Variants in PHTF2 observed in about 807,000 individuals in gnomAD.
The protein encoded by PHTF2 is putative homeodomain transcription factor 2, also known as protein PHTF2.
A neutral mutation model predicts 101.2 loss-of-function variants in PHTF2; 60 were observed. The ratio of observed to expected loss-of-function variants is 0.59; its 90% CI spans 0.48 to 0.73. The LOEUF (loss-of-function observed/expected upper bound fraction) is 0.73, where lower values mean the gene tolerates loss of function less well. Among genes scored for constraint, PHTF2 ranks in the 30% least tolerant of loss-of-function variants. PHTF2 has a pLI of 0.00. For synonymous variants in PHTF2, 311 were observed against 307.3 expected (o/e 1.01, Z -0.13); for missense variants, 747 against 908.7 (o/e 0.82, Z 2.29).
At chr7:77,874,707 TC>T (rs1477803204) in intron 3 of PHTF2, among the ~76,000 whole-genome samples, 2 of 152,182 alleles carry the variant, frequency 1.3e-5, no homozygotes, top group African/African-American at 4.8e-5. Context: ...AATGTTAATC[TC>T]CTTTGGCAGC....
At chr7:77,887,079 G>C (rs995828529) in intron 3 of PHTF2, among the ~76,000 whole-genome samples, 7 of 150,892 alleles carry the variant, frequency 4.6e-5, no homozygotes, top group African/African-American at 1.5e-4. Flanking sequence ...CAGTAACAAT[G>C]AATATAAGGC....
At chr7:77,850,915 T>C (rs759409729) in intron 2 of PHTF2, among the ~76,000 whole-genome samples, 2 of 152,198 alleles carry the variant, frequency 1.3e-5, no homozygotes, top group Admixed American at 6.5e-5. Flanking sequence ...ATATGATGTA[T>C]GACATTGATT....
At chr7:77,883,085 G>A (rs758509385) in intron 3 of PHTF2, among the ~76,000 whole-genome samples, 1 of 152,028 alleles carries the variant, frequency 6.6e-6, no homozygotes, top group Admixed American at 6.6e-5. Flanking sequence ...CCTATTAGGA[G>A]CAATTTCAGG....
chr7:77,874,438 G>T (rs1238508532), intron 3 of PHTF2, among the ~76,000 whole-genome samples: 1 of 152,110 alleles, frequency 6.6e-6, no homozygotes, highest in Non-Finnish European at 1.5e-5. Context: ...ATTAACTCAT[G>T]ATTACAAGGT....
At chr7:77,910,339 G>T in exon 9 of PHTF2, 1 of 1,613,694 alleles carries the variant, frequency 6.2e-7, no homozygotes, top group Non-Finnish European at 8.5e-7. Flanking sequence ...TCAGAACCAC[G>T]GTACAAGCAC....
chr7:77,828,533 G>A (rs1794851116), intron 1 of PHTF2, among the ~76,000 whole-genome samples: 1 of 152,142 alleles, frequency 6.6e-6, no homozygotes, highest in Admixed American at 6.5e-5. Context: ...ACTCTAGGCT[G>A]GGCGCAGTGG....
At chr7:77,875,714 C>A (rs930348290) in intron 3 of PHTF2, among the ~76,000 whole-genome samples, 1 of 151,890 alleles carries the variant, frequency 6.6e-6, no homozygotes. Context: ...CCTGCCACCA[C>A]GCCTGGCTAA....
intron 1 of PHTF2, among the ~76,000 whole-genome samples, chr7:77,812,746 C>G (rs373098609): frequency 6.6e-6 from 1 of 152,056 alleles, no homozygotes; most frequent in Non-Finnish European, 1.5e-5. Context: ...CACGCCACCA[C>G]GCCCAGCTGA....
chr7:77,841,564 A>G (rs77545543), intron 2 of PHTF2, among the ~76,000 whole-genome samples: 2,362 of 152,218 alleles, frequency 0.016, 70 homozygotes, highest in East Asian at 0.094. Flanking sequence ...TCTTGGGCTC[A>G]TGTGGTCCTC....
At chr7:77,885,783 A>G (rs1014786195) in intron 3 of PHTF2, among the ~76,000 whole-genome samples, 2 of 152,320 alleles carry the variant, frequency 1.3e-5, no homozygotes. Context: ...TGCTGACAAA[A>G]TTAGACAGCA....
intron 8 of PHTF2, 159 bp from the exon 8 acceptor site, chr7:77,910,086 C>A: frequency 1.7e-6 from 1 of 576,686 alleles, no homozygotes. Flanking sequence ...GAATATGCAT[C>A]ATGATATTTG....
intron 16 of PHTF2, among the ~76,000 whole-genome samples, chr7:77,944,137 G>C (rs1170086745): frequency 6.6e-6 from 1 of 152,182 alleles, no homozygotes; most frequent in African/African-American, 2.4e-5. Context: ...GAAAACCAGA[G>C]CATTTAAGAA....
At chr7:77,845,679 A>C (rs1031023464) in intron 2 of PHTF2, among the ~76,000 whole-genome samples, 1 of 152,248 alleles carries the variant, frequency 6.6e-6, no homozygotes, top group South Asian at 2.1e-4. Context: ...GTGTGTACTT[A>C]AGTATGTGTA....
intron 5 of PHTF2, 127 bp from the exon 5 acceptor site, chr7:77,900,584 T>G: frequency 1.5e-6 from 1 of 661,966 alleles, no homozygotes; most frequent in Non-Finnish European, 2.7e-6. Context: ...AACAAATGCA[T>G]AATGTGTTAC....
chr7:77,935,276 G>T (rs998046393), intron 12 of PHTF2, among the ~76,000 whole-genome samples: 8 of 130,970 alleles, frequency 6.1e-5, no homozygotes, highest in African/African-American at 2.0e-4. Context: ...AGGCTGGAGT[G>T]CAGTGGCGCG....
intron 7 of PHTF2, among the ~76,000 whole-genome samples, chr7:77,907,497 A>G (rs1801975187): frequency 6.6e-6 from 1 of 152,224 alleles, no homozygotes; most frequent in African/African-American, 2.4e-5. Flanking sequence ...AAAAAAACCC[A>G]GGAAACTAGA....
At chr7:77,855,444 GAGA>G (rs886735767) in intron 3 of PHTF2, among the ~76,000 whole-genome samples, 9 of 152,314 alleles carry the variant, frequency 5.9e-5, no homozygotes, top group African/African-American at 1.7e-4. Context: ...CCTGGAGTTG[GAGA>G]AGGAGTGGTG....
intron 1 of PHTF2, among the ~76,000 whole-genome samples, chr7:77,803,059 T>C (rs1792681627): frequency 6.6e-6 from 1 of 152,174 alleles, no homozygotes; most frequent in Non-Finnish European, 1.5e-5. Context: ...ACACAAAATA[T>C]AGAAGTGAGT....
At chr7:77,946,031 G>C (rs1310200587) in intron 16 of PHTF2, among the ~76,000 whole-genome samples, 2 of 152,134 alleles carry the variant, frequency 1.3e-5, no homozygotes, top group Non-Finnish European at 2.9e-5. Flanking sequence ...GGGAAACTGA[G>C]CTGGTTTCAT....
Sources: gnomAD v4.1 joint callset for allele counts (sites outside exome capture counted in the v4.1 genomes callset) on GRCh38, gnomAD v4.1.1 for gene constraint, MANE v1.5 for transcripts, NCBI Gene and HGNC (gene_info 2026-07-23, HGNC 2026-07-21) for gene names.